Variants in DYNC1I1 observed in about 807,000 individuals in gnomAD.
DYNC1I1 encodes the protein cytoplasmic dynein 1 intermediate chain 1.
Under a neutral mutation model 86.6 loss-of-function variants are expected in DYNC1I1, and 43 were observed. The observed-to-expected ratio is 0.50, with a 90% CI of 0.39 to 0.64. The LOEUF is 0.64. DYNC1I1 is among the 30% of genes least tolerant of loss of function. The pLI, the probability that DYNC1I1 is intolerant of heterozygous loss-of-function variation, is 0.00. For synonymous variants in DYNC1I1, 262 were observed against 283.7 expected (o/e 0.92, Z 0.77); for missense variants, 604 against 788.8 (o/e 0.77, Z 2.81).
intron 6 of DYNC1I1, among the ~76,000 whole-genome samples, chr7:95,890,811 G>T (rs1186337596): frequency 3.3e-5 from 5 of 152,126 alleles, no homozygotes; most frequent in Non-Finnish European, 7.3e-5. Context: ...AGGTTCTCTG[G>T]TCTGGGCACC....
chr7:95,904,126 G>A (rs965979816), intron 6 of DYNC1I1, among the ~76,000 whole-genome samples: 7 of 152,176 alleles, frequency 4.6e-5, no homozygotes, highest in African/African-American at 1.2e-4. Flanking sequence ...CTTTATTTTA[G>A]GGTATATGGA....
intron 14 of DYNC1I1, among the ~76,000 whole-genome samples, chr7:96,072,987 A>G (rs1026011705): frequency 6.6e-6 from 1 of 152,214 alleles, no homozygotes; most frequent in Non-Finnish European, 1.5e-5. Context: ...AAAGAGCACT[A>G]TTGTAAGTGA....
chr7:95,907,087 G>A (rs940800271), intron 6 of DYNC1I1, among the ~76,000 whole-genome samples: 6 of 152,118 alleles, frequency 3.9e-5, no homozygotes, highest in Admixed American at 1.3e-4. Context: ...CTTCCTTACC[G>A]AGAGCTGCTT....
At chr7:95,825,714 A>G (rs566218743) in intron 4 of DYNC1I1, among the ~76,000 whole-genome samples, 8 of 152,278 alleles carry the variant, frequency 5.3e-5, no homozygotes, top group African/African-American at 1.4e-4. Flanking sequence ...TAATTGGTCT[A>G]GGGGTGGCCT....
intron 6 of DYNC1I1, among the ~76,000 whole-genome samples, chr7:95,898,034 C>T (rs191548472): frequency 6.6e-6 from 1 of 152,320 alleles, no homozygotes. Context: ...CAAAGCAACT[C>T]ATTTATTCTC....
intron 6 of DYNC1I1, among the ~76,000 whole-genome samples, chr7:95,936,956 T>TCACACACACACACACACACACA (rs57989893): frequency 2.2e-4 from 30 of 134,286 alleles, no homozygotes; most frequent in South Asian, 2.1e-3. Flanking sequence ...AGAATATGTC[T>TCACACACACACACACACACACA]CACACACACA....
intron 12 of DYNC1I1, among the ~76,000 whole-genome samples, chr7:96,033,300 T>A (rs1794855542): frequency 6.6e-6 from 1 of 152,108 alleles, no homozygotes; most frequent in Non-Finnish European, 1.5e-5. Context: ...GCTCAGTAAA[T>A]GAGAAGTCAA....
intron 10 of DYNC1I1, among the ~76,000 whole-genome samples, chr7:96,012,133 G>A (rs1794290321): frequency 6.6e-6 from 1 of 152,118 alleles, no homozygotes; most frequent in Non-Finnish European, 1.5e-5. Context: ...ATTTGAAAAA[G>A]TTTTGACAGA....
intron 14 of DYNC1I1, among the ~76,000 whole-genome samples, chr7:96,064,241 T>TCTCTCTCC (rs1236208999): frequency 1.4e-5 from 2 of 147,686 alleles, no homozygotes; most frequent in Non-Finnish European, 3.0e-5. Context: ...TCTCTCTCTC[T>TCTCTCTCC]CTCTCTCCCT....
intron 7 of DYNC1I1, among the ~76,000 whole-genome samples, chr7:95,983,697 C>A (rs1793512517): frequency 1.3e-5 from 2 of 152,108 alleles, no homozygotes. Flanking sequence ...ATTCTTCTGA[C>A]CATGTGGCCA....
At chr7:95,952,739 T>TA (rs896300563) in intron 6 of DYNC1I1, among the ~76,000 whole-genome samples, 48 of 152,064 alleles carry the variant, frequency 3.2e-4, no homozygotes, top group African/African-American at 1.0e-3. Flanking sequence ...ATAATATGCT[T>TA]AAAAAAAAGC....
At chr7:95,840,065 T>C (rs1212607242) in intron 5 of DYNC1I1, among the ~76,000 whole-genome samples, 1 of 105,770 alleles carries the variant, frequency 9.5e-6, no homozygotes, top group African/African-American at 4.7e-5. Context: ...TCTTTGGGAT[T>C]ATCTTATATG....
At chr7:95,936,954 T>TCACACACA (rs1491214381) in intron 6 of DYNC1I1, among the ~76,000 whole-genome samples, 94 of 32,570 alleles carry the variant, frequency 2.9e-3, no homozygotes, top group African/African-American at 6.7e-3. Context: ...AAAGAATATG[T>TCACACACA]CTCACACACA....
At chr7:96,062,415 CTTCTT>C (rs1660500471) in intron 14 of DYNC1I1, among the ~76,000 whole-genome samples, 1 of 151,380 alleles carries the variant, frequency 6.6e-6, no homozygotes, top group African/African-American at 2.4e-5. Context: ...GAATACTTTC[CTTCTT>C]TTGTTTTTTT....
chr7:95,884,704 C>A (rs113352674), intron 6 of DYNC1I1, among the ~76,000 whole-genome samples: 21 of 150,528 alleles, frequency 1.4e-4, no homozygotes, highest in African/African-American at 3.9e-4. Flanking sequence ...GAGGCAGAGG[C>A]GGGAGGATAG....
At chr7:96,044,120 G>A (rs1484266678) in intron 14 of DYNC1I1, among the ~76,000 whole-genome samples, 1 of 152,184 alleles carries the variant, frequency 6.6e-6, no homozygotes, top group Non-Finnish European at 1.5e-5. Context: ...TTGGGAATGG[G>A]AGAGCTTGTG....
At chr7:95,895,454 A>G (rs1430872684) in intron 6 of DYNC1I1, among the ~76,000 whole-genome samples, 2 of 152,060 alleles carry the variant, frequency 1.3e-5, no homozygotes, top group East Asian at 1.9e-4. Flanking sequence ...ATTGCTCTCA[A>G]TTGGTCATTG....
intron 16 of DYNC1I1, among the ~76,000 whole-genome samples, chr7:96,109,551 T>C (rs1208507288): frequency 6.6e-6 from 1 of 152,206 alleles, no homozygotes; most frequent in Non-Finnish European, 1.5e-5. Flanking sequence ...AACACTACTG[T>C]AACTTCATTG....
intron 6 of DYNC1I1, among the ~76,000 whole-genome samples, chr7:95,886,751 G>A (rs111428422): frequency 0.012 from 1,820 of 152,280 alleles, 13 homozygotes; most frequent in Middle Eastern, 0.037. Context: ...TCCAGACAAT[G>A]GAAACACAAT....
Sources: gnomAD v4.1 joint callset for allele counts (sites outside exome capture counted in the v4.1 genomes callset) on GRCh38, gnomAD v4.1.1 for gene constraint, MANE v1.5 for transcripts, NCBI Gene and HGNC (gene_info 2026-07-23, HGNC 2026-07-21) for gene names.